Variants in ME3 observed in about 807,000 individuals in gnomAD.
ME3 encodes malic enzyme 3.
A neutral mutation model predicts 68.9 loss-of-function variants in ME3; 48 were observed. The observed-to-expected ratio is 0.70, with a 90% CI of 0.55 to 0.89. The LOEUF is 0.89. Among genes scored for constraint, ME3 ranks in the 40% least tolerant of loss-of-function variants. The pLI is 0.00. For synonymous variants in ME3, 320 were observed against 318.8 expected (o/e 1.00, Z -0.04); for missense variants, 675 against 797.4 (o/e 0.85, Z 1.85).
intron 2 of ME3, among the ~76,000 whole-genome samples, chr11:86,618,979 G>A (rs1407082044): frequency 6.6e-6 from 1 of 152,146 alleles, no homozygotes; most frequent in East Asian, 1.9e-4. Context: ...GAAGTGCTGG[G>A]ATTACAGGCA....
At chr11:86,504,783 C>G (rs889505033) in intron 5 of ME3, among the ~76,000 whole-genome samples, 24 of 152,222 alleles carry the variant, frequency 1.6e-4, no homozygotes, top group African/African-American at 5.8e-4. Flanking sequence ...CTCCGCCTCC[C>G]GGGTTCAAGC....
rs375793950 is a variant in ME3 at position 86,519,932 on chromosome 11, G to A, written c.468-11065C>T. Among the ~76,000 whole-genome samples, 12 of 152,340 alleles carry A rather than the reference G, an allele frequency of 7.9e-5. 1 individual carries two copies. In the East Asian group the frequency reaches 1.7e-3, roughly 22 times the overall value. Reference sequence around the variant, plus strand: ...CCTCAGGGACGTGTGACTGAAGTGCGGGATGGGGTGGCCACAGACAACTGA... The same window carrying A: ...CCTCAGGGACGTGTGACTGAAGTGCAGGATGGGGTGGCCACAGACAACTGA... On this transcript the variant is annotated intron_variant, in intron 4 of 14. Coordinates refer to ENST00000543262, the Ensembl canonical transcript of ME3.
intron 2 of ME3, among the ~76,000 whole-genome samples, chr11:86,660,008 G>T (rs141105328): frequency 2.9e-3 from 442 of 152,252 alleles, no homozygotes; most frequent in Middle Eastern, 6.8e-3. Context: ...TTCAACACCA[G>T]CTTCAACTTC....
At chr11:86,547,568 T>C (rs1325444807) in intron 4 of ME3, among the ~76,000 whole-genome samples, 4 of 152,050 alleles carry the variant, frequency 2.6e-5, no homozygotes, top group African/African-American at 9.7e-5. Flanking sequence ...CACCATGGCA[T>C]GTGTATACCT....
chr11:86,577,465 G>A (rs559664809), intron 2 of ME3, among the ~76,000 whole-genome samples: 7 of 152,102 alleles, frequency 4.6e-5, no homozygotes, highest in Non-Finnish European at 1.0e-4. Context: ...AACAAATGTC[G>A]GGGGCCTCTT....
intron 2 of ME3, among the ~76,000 whole-genome samples, chr11:86,654,029 T>G (rs1945672879): frequency 6.6e-6 from 1 of 152,020 alleles, no homozygotes; most frequent in South Asian, 2.1e-4. Context: ...ACATACACCC[T>G]CCCAAGACTA....
At chr11:86,451,526 A>C (rs7109853) in intron 8 of ME3, among the ~76,000 whole-genome samples, 1 of 152,024 alleles carries the variant, frequency 6.6e-6, no homozygotes. Flanking sequence ...TCCTCTTACC[A>C]AGCTGGCCTG....
At chr11:86,517,459 T>C (rs1004501151) in intron 4 of ME3, among the ~76,000 whole-genome samples, 1 of 152,160 alleles carries the variant, frequency 6.6e-6, no homozygotes, top group Non-Finnish European at 1.5e-5. Flanking sequence ...CTCAGCATAA[T>C]ATGGCTAAGA....
intron 4 of ME3, among the ~76,000 whole-genome samples, chr11:86,540,167 T>G (rs1955948649): frequency 1.3e-5 from 2 of 152,234 alleles, no homozygotes; most frequent in African/African-American, 4.8e-5. Context: ...ATACAGGGAA[T>G]AGAGGCCCCG....
At chr11:86,531,263 G>A (rs1955206834) in intron 4 of ME3, among the ~76,000 whole-genome samples, 1 of 152,298 alleles carries the variant, frequency 6.6e-6, no homozygotes, top group African/African-American at 2.4e-5. Context: ...CATCATCACT[G>A]GCCATCAGAG....
chr11:86,663,664 CT>C (rs140702605), intron 2 of ME3, among the ~76,000 whole-genome samples: 6 of 152,246 alleles, frequency 3.9e-5, no homozygotes, highest in East Asian at 1.9e-4. Context: ...TTTTTCCCCC[CT>C]CTCACTATAA....
At chr11:86,468,426 C>A (rs1180904033) in intron 7 of ME3, among the ~76,000 whole-genome samples, 1 of 152,186 alleles carries the variant, frequency 6.6e-6, no homozygotes, top group East Asian at 1.9e-4. Flanking sequence ...CATCATCCAT[C>A]CATCCTTGAT....
At chr11:86,474,328 C>G (rs1272636625) in intron 7 of ME3, among the ~76,000 whole-genome samples, 1 of 152,172 alleles carries the variant, frequency 6.6e-6, no homozygotes, top group Non-Finnish European at 1.5e-5. Flanking sequence ...AAGTCTTGGC[C>G]AGACAGAAAA....
chr11:86,492,837 A>G (rs1952082571), intron 6 of ME3, among the ~76,000 whole-genome samples: 1 of 152,240 alleles, frequency 6.6e-6, no homozygotes, highest in Admixed American at 6.5e-5. Context: ...CAGCTGGAAG[A>G]CAGATAAACC....
At chr11:86,488,082 C>T (rs754621162) in intron 6 of ME3, among the ~76,000 whole-genome samples, 7 of 152,070 alleles carry the variant, frequency 4.6e-5, no homozygotes, top group East Asian at 3.9e-4. Flanking sequence ...CAGGAGGCTG[C>T]GGCAGGAGGC....
At chr11:86,479,822 C>CTTTCT (rs143860951) in intron 7 of ME3, among the ~76,000 whole-genome samples, 5,423 of 147,182 alleles carry the variant, frequency 0.037, 340 homozygotes, top group African/African-American at 0.13. Context: ...TTTTTTCTTT[C>CTTTCT]TTTTTTTTTT....
At chr11:86,581,601 A>G (rs549926917) in intron 2 of ME3, among the ~76,000 whole-genome samples, 3 of 152,348 alleles carry the variant, frequency 2.0e-5, no homozygotes, top group African/African-American at 7.2e-5. Flanking sequence ...AATGCTTTGC[A>G]TTATGTCCCC....
intron 2 of ME3, among the ~76,000 whole-genome samples, chr11:86,637,384 G>C (rs1944403122): frequency 6.7e-6 from 1 of 149,716 alleles, no homozygotes; most frequent in African/African-American, 2.5e-5. Context: ...CATTACAGCA[G>C]TGTGATAAGT....
At chr11:86,475,874 T>TATATATATATATATATATAGAGAGAGAG in intron 7 of ME3, among the ~76,000 whole-genome samples, 2 of 91,470 alleles carry the variant, frequency 2.2e-5, no homozygotes. Flanking sequence ...TATATATATA[T>TATATATATATATATATATAGAGAGAGAG]AGAGAGAGAG....
Sources: allele counts gnomAD v4.1 joint callset (sites outside exome capture counted in the v4.1 genomes callset), GRCh38; gene constraint gnomAD v4.1.1; transcripts MANE v1.5; gene names NCBI Gene and HGNC (gene_info 2026-07-23, HGNC 2026-07-21).